Variants in CIAPIN1 observed in about 807,000 individuals in gnomAD.
CIAPIN1 encodes cytokine induced apoptosis inhibitor 1.
Under a neutral mutation model 34.3 loss-of-function variants are expected in CIAPIN1, and 18 were observed. That is an observed-to-expected ratio of 0.52 (90% confidence interval 0.36 to 0.78). CIAPIN1 has a LOEUF of 0.78. Among genes scored for constraint, CIAPIN1 ranks in the 30% least tolerant of loss-of-function variants. The pLI, the probability that CIAPIN1 is intolerant of heterozygous loss-of-function variation, is 0.00. For synonymous variants in CIAPIN1, 131 were observed against 140.4 expected (o/e 0.93, Z 0.47); for missense variants, 310 against 372.5 (o/e 0.83, Z 1.38).
intron 6 of CIAPIN1, among the ~76,000 whole-genome samples, chr16:57,431,707 T>C (rs1359334631): frequency 2.0e-5 from 3 of 152,232 alleles, no homozygotes; most frequent in Admixed American, 2.0e-4. Flanking sequence ...CTTTATGTAA[T>C]TCTTTGTAAA....
At chr16:57,439,111 A>C (rs996663330) in intron 3 of CIAPIN1, 71 bp downstream of exon 3, 1 of 1,485,320 alleles carries the variant, frequency 6.7e-7, no homozygotes. Flanking sequence ...CCTCCTGCTC[A>C]CGGAGATGCA....
At chr16:57,434,934 A>G (rs1054316228) in intron 4 of CIAPIN1, among the ~76,000 whole-genome samples, 3 of 152,152 alleles carry the variant, frequency 2.0e-5, no homozygotes, top group Non-Finnish European at 4.4e-5. Flanking sequence ...TCCTCTGGGG[A>G]GGGAAGTGTG....
chr16:57,431,220 T>A lies in CIAPIN1; in HGVS notation c.677A>T (p.Lys226Met). ...AGCCCGCAGGGAAGCTGGATCTGGC[T>A]TCTTCAAATCTTCTGGATCCAGCAG... is the stretch of plus-strand genomic sequence containing the variant. Reference protein sequence around the residue: ...DELLDPEDLKKPDPASLRAAS... With the variant: ...DELLDPEDLKMPDPASLRAAS... The change falls in exon 7 of 9, where the codon AAG becomes ATG. Residue 226 changes from lysine (K) to methionine (M), a missense_variant. Physicochemically the swap from Lys to Met is moderately conservative, Grantham distance 95 (BLOSUM62 -1). Transcript: ENST00000394391. 6.2e-7 allele frequency: 1 copy of A among 1,613,962 alleles called. No individual in the cohort carries two copies. The highest frequency in any genetic ancestry group is 8.5e-7 in the Non-Finnish European group (1 of 1,179,900).
At chr16:57,431,396 G>A in intron 6 of CIAPIN1, 130 bp from the exon 7 acceptor site, 1 of 582,738 alleles carries the variant, frequency 1.7e-6, no homozygotes, top group Non-Finnish European at 3.1e-6. Context: ...CCTCCTTTTG[G>A]TTGATCATCA....
chr16:57,434,321 C>T (rs1443209750), intron 4 of CIAPIN1, 109 bp from the exon 5 acceptor site: 2 of 996,624 alleles, frequency 2.0e-6, no homozygotes. Flanking sequence ...AAGGATGTAA[C>T]AGTGGATGGT....
chr16:57,435,076 G>T (rs1390532839), intron 4 of CIAPIN1, among the ~76,000 whole-genome samples: 1 of 152,174 alleles, frequency 6.6e-6, no homozygotes, highest in Non-Finnish European at 1.5e-5. Context: ...AATGTTGGAG[G>T]TGGGGCCTGG....
chr16:57,440,525 C>T (rs1903305896), intron 2 of CIAPIN1, among the ~76,000 whole-genome samples: 1 of 152,154 alleles, frequency 6.6e-6, no homozygotes, highest in Non-Finnish European at 1.5e-5. Context: ...TTTAAAATTT[C>T]TCTCTTTTGT....
At chr16:57,429,704 G>A (rs1266039614) in intron 8 of CIAPIN1, among the ~76,000 whole-genome samples, 2 of 151,972 alleles carry the variant, frequency 1.3e-5, no homozygotes, top group Admixed American at 1.3e-4. Flanking sequence ...ATGTTAGCCA[G>A]GATGGTCTCG....
chr16:57,432,624 T>C, intron 5 of CIAPIN1, 64 bp from the exon 6 acceptor site: 1 of 1,419,036 alleles, frequency 7.0e-7, no homozygotes, highest in Non-Finnish European at 9.9e-7. Context: ...ATTACAAACA[T>C]ACATAAATGC....
At position 57,429,128 on chromosome 16, in the gene CIAPIN1, G is replaced by A. The variant is rs747083763; in HGVS notation, c.*42C>T. The A allele has an allele frequency of 7.5e-7, 1 of 1,342,062 alleles. No individual in the cohort carries two copies. The highest frequency in any genetic ancestry group is 1.1e-6 in the Non-Finnish European group (1 of 934,348). 83.1% of individuals were successfully genotyped at this position (1,342,062 alleles called of 1,614,324 possible). On this transcript the variant is annotated 3_prime_UTR_variant, in exon 9 of 9. Coordinates refer to ENST00000394391, the MANE Select transcript of CIAPIN1 (RefSeq NM_020313.4). ...CACCATGGTGGGATGTGAGGGACAGGAGTTGGCTGGAGGAGCAGATGGGTC... is the reference window on the plus strand; with the variant it reads ...CACCATGGTGGGATGTGAGGGACAGAAGTTGGCTGGAGGAGCAGATGGGTC...
At chr16:57,436,222 T>G (rs953407014) in intron 4 of CIAPIN1, among the ~76,000 whole-genome samples, 9 of 152,154 alleles carry the variant, frequency 5.9e-5, no homozygotes, top group African/African-American at 1.4e-4. Context: ...CAAAAGTTTT[T>G]TTTTGTTTTG....
chr16:57,429,739 T>G (rs893413458), intron 8 of CIAPIN1, among the ~76,000 whole-genome samples: 5 of 150,776 alleles, frequency 3.3e-5, no homozygotes, highest in Non-Finnish European at 5.9e-5. Flanking sequence ...TGATCCGCCC[T>G]CCTTGGCCTC....
chr16:57,436,393 A>T (rs1198498069), intron 4 of CIAPIN1, among the ~76,000 whole-genome samples: 2 of 151,840 alleles, frequency 1.3e-5, no homozygotes, highest in African/African-American at 4.8e-5. Context: ...AGGCCCGACT[A>T]ATTTTTTTGT....
chr16:57,432,113 C>A (rs1567570136), intron 6 of CIAPIN1, among the ~76,000 whole-genome samples: 1 of 152,026 alleles, frequency 6.6e-6, no homozygotes, highest in South Asian at 2.1e-4. Flanking sequence ...AGGAGTTTTG[C>A]GACCAGTCTG....
chr16:57,441,609 A>G (rs1389488567), intron 1 of CIAPIN1, among the ~76,000 whole-genome samples: 2 of 152,218 alleles, frequency 1.3e-5, no homozygotes, highest in African/African-American at 4.8e-5. Context: ...ACCATTTTAC[A>G]GTCTGGAAAC....
intron 8 of CIAPIN1, 59 bp from the exon 9 acceptor site, chr16:57,429,339 G>T: frequency 1.7e-6 from 2 of 1,171,944 alleles, no homozygotes; most frequent in South Asian, 1.2e-5. Flanking sequence ...CCAGCCAGAA[G>T]AAAGAAATGC....
intron 4 of CIAPIN1, 146 bp downstream of exon 4, chr16:57,436,510 G>A (rs1277275115): frequency 4.1e-6 from 2 of 490,624 alleles, no homozygotes; most frequent in Non-Finnish European, 3.6e-6. Flanking sequence ...TTACAGACGT[G>A]AGCCACCACA....
rs1179039404 is a variant in CIAPIN1, at chr16:57,440,883, A to G, written c.46T>C (p.Trp16Arg). ...GCCTCCACTGGGGATGACTTATCCC[A>G]GACCACTGCCACAAACTGGCCAGCA... ...ISAGQFVAVV[W>R]DKSSPVEALK... Residue 16 changes from tryptophan to arginine, a missense_variant, in exon 2 of 9, where the codon TGG (tryptophan) becomes CGG (arginine). Physicochemically the swap from Trp to Arg is moderately radical, Grantham distance 101 (BLOSUM62 -3). Coordinates refer to ENST00000394391, the MANE Select transcript of CIAPIN1 (RefSeq NM_020313.4). 1.2e-6 allele frequency: 2 copies of G among 1,614,092 alleles called. No individual in the cohort carries two copies. The highest frequency in any genetic ancestry group is 3.3e-5 in the Admixed American group (2 of 60,006).
At chr16:57,437,957 T>C (rs1903242022) in intron 3 of CIAPIN1, among the ~76,000 whole-genome samples, 1 of 152,142 alleles carries the variant, frequency 6.6e-6, no homozygotes, top group Non-Finnish European at 1.5e-5. Flanking sequence ...CTTCCAGAGG[T>C]TGTGAGATAA....
Sources: allele counts gnomAD v4.1 joint callset (sites outside exome capture counted in the v4.1 genomes callset), GRCh38; gene constraint gnomAD v4.1.1; transcripts MANE v1.5; gene names NCBI Gene and HGNC (gene_info 2026-07-23, HGNC 2026-07-21).